The following CPQ variants were observed in gnomAD, a reference collection of about 807,000 sequenced individuals.
CPQ encodes Ser-Met dipeptidase.
Under a neutral mutation model 45.7 loss-of-function variants are expected in CPQ, and 37 were observed. The ratio of observed to expected loss-of-function variants is 0.81; its 90% CI spans 0.62 to 1.07. The LOEUF (loss-of-function observed/expected upper bound fraction) is 1.07, where lower values mean the gene tolerates loss of function less well. CPQ is among the 50% of genes least tolerant of loss of function. The pLI, the probability that CPQ is intolerant of heterozygous loss-of-function variation, is 0.00. For synonymous variants in CPQ, 186 were observed against 205.8 expected (o/e 0.90, Z 0.82); for missense variants, 537 against 572.9 (o/e 0.94, Z 0.64).
At chr8:96,728,265 T>C (rs1809869111) in intron 1 of CPQ, among the ~76,000 whole-genome samples, 1 of 152,194 alleles carries the variant, frequency 6.6e-6, no homozygotes, top group African/African-American at 2.4e-5. Flanking sequence ...AAATGTTATA[T>C]GGAATGATAT....
At chr8:96,982,347 C>A (rs1292995112) in intron 5 of CPQ, among the ~76,000 whole-genome samples, 3 of 152,006 alleles carry the variant, frequency 2.0e-5, no homozygotes, top group Admixed American at 2.0e-4. Context: ...TCATCCAGGT[C>A]TTTTATTTTT....
rs139976448 is a variant in CPQ, at chr8:96,744,969, C to T, written c.-34-39895C>T. ...CACATCCTATTATTTTGAACTATCC[C>T]TATGGCCCCCAATAGCATAGTGACT... On this transcript the variant is annotated intron_variant, in intron 1 of 7. Transcript: ENST00000220763. Among the ~76,000 whole-genome samples, 505 of 152,276 alleles carry T rather than the reference C, an allele frequency of 3.3e-3. 7 individuals carry two copies. Among genetic ancestry groups the T allele is most frequent in the African/African-American group, 0.012 (480 of 41,552 alleles).
At chr8:96,952,845 C>T (rs1286634759) in intron 4 of CPQ, among the ~76,000 whole-genome samples, 1 of 151,998 alleles carries the variant, frequency 6.6e-6, no homozygotes, top group Non-Finnish European at 1.5e-5. Flanking sequence ...AATAACAGTC[C>T]ATCATGGATT....
intron 7 of CPQ, among the ~76,000 whole-genome samples, chr8:97,111,959 C>T (rs1037907681): frequency 6.6e-6 from 1 of 152,080 alleles, no homozygotes; most frequent in Non-Finnish European, 1.5e-5. Flanking sequence ...CCATTGTCCA[C>T]ACTGATCTCC....
intron 5 of CPQ, among the ~76,000 whole-genome samples, chr8:97,005,116 C>G (rs1324254979): frequency 2.0e-5 from 3 of 151,542 alleles, no homozygotes; most frequent in Non-Finnish European, 2.9e-5. Context: ...GAGTCTCACT[C>G]TGTTGCCCAG....
intron 4 of CPQ, among the ~76,000 whole-genome samples, chr8:96,928,994 A>C (rs1812932850): frequency 6.6e-6 from 1 of 152,220 alleles, no homozygotes; most frequent in Non-Finnish European, 1.5e-5. Flanking sequence ...TATTTAAAAA[A>C]TTATAATTTA....
At chr8:97,048,104 A>G (rs1334553505) in intron 6 of CPQ, among the ~76,000 whole-genome samples, 2 of 152,214 alleles carry the variant, frequency 1.3e-5, no homozygotes, top group Non-Finnish European at 2.9e-5. Context: ...TGCTATATTT[A>G]AAGATCTCCA....
intron 1 of CPQ, among the ~76,000 whole-genome samples, chr8:96,718,648 C>T (rs558852576): frequency 6.6e-6 from 1 of 152,146 alleles, no homozygotes; most frequent in Non-Finnish European, 1.5e-5. Flanking sequence ...ACTGCTGGCT[C>T]GGGCAGCCTG....
intron 5 of CPQ, among the ~76,000 whole-genome samples, chr8:96,975,079 T>A (rs886932438): frequency 1.3e-5 from 2 of 151,956 alleles, no homozygotes; most frequent in Non-Finnish European, 2.9e-5. Flanking sequence ...TTTGAAAAGA[T>A]AAATGAAACA....
At chr8:96,742,304 C>G (rs1810104006) in intron 1 of CPQ, among the ~76,000 whole-genome samples, 1 of 151,984 alleles carries the variant, frequency 6.6e-6, no homozygotes, top group Non-Finnish European at 1.5e-5. Context: ...CAACCCCTGC[C>G]TTTTTTTGTT....
chr8:96,800,761 A>G (rs2130821974), intron 2 of CPQ, among the ~76,000 whole-genome samples: 1 of 152,326 alleles, frequency 6.6e-6, no homozygotes, highest in Non-Finnish European at 1.5e-5. Context: ...ACATGCACAC[A>G]GAATAATATT....
At chr8:96,918,158 C>T (rs1812756799) in intron 4 of CPQ, among the ~76,000 whole-genome samples, 1 of 152,218 alleles carries the variant, frequency 6.6e-6, no homozygotes. Flanking sequence ...TTCTCTCACT[C>T]CTTGTGCACC....
intron 1 of CPQ, among the ~76,000 whole-genome samples, chr8:96,688,037 G>T (rs1809256150): frequency 6.6e-6 from 1 of 151,990 alleles, no homozygotes; most frequent in Non-Finnish European, 1.5e-5. Flanking sequence ...TGAGAGAAAA[G>T]AAAGTTTCCT....
chr8:96,921,192 C>G lies in CPQ; in HGVS notation c.849+41187C>G, dbSNP rs530604895. Among the ~76,000 whole-genome samples, 6 of 152,224 alleles carry G rather than the reference C, an allele frequency of 3.9e-5. No homozygotes were observed. In the East Asian group the frequency reaches 1.2e-3, roughly 29 times the overall value. Reference sequence around the variant, plus strand: ...GGCTATTTGATTTCAATCCCCCTTTCTTTTTATGTTTCTCATTTCTCTCCC... The same window carrying G: ...GGCTATTTGATTTCAATCCCCCTTTGTTTTTATGTTTCTCATTTCTCTCCC... On this transcript the variant is annotated intron_variant, in intron 4 of 7. Coordinates refer to ENST00000220763, the MANE Select transcript of CPQ (RefSeq NM_016134.4).
chr8:96,708,325 A>G (rs1384989117), intron 1 of CPQ, among the ~76,000 whole-genome samples: 2 of 152,046 alleles, frequency 1.3e-5, no homozygotes, highest in Non-Finnish European at 1.5e-5. Flanking sequence ...GTAGGTTCCA[A>G]GAATTAAGAC....
At chr8:96,667,254 T>A (rs373317453) in intron 1 of CPQ, among the ~76,000 whole-genome samples, 9 of 152,302 alleles carry the variant, frequency 5.9e-5, no homozygotes, top group African/African-American at 2.2e-4. Flanking sequence ...AGAAAATGCA[T>A]GTTTTAAAAC....
At chr8:97,080,581 C>T (rs1810929017) in intron 7 of CPQ, among the ~76,000 whole-genome samples, 1 of 152,138 alleles carries the variant, frequency 6.6e-6, no homozygotes, top group Admixed American at 6.6e-5. Flanking sequence ...AAACTCTTCC[C>T]TTTGCTCAGT....
At chr8:97,114,557 C>A (rs551182899) in intron 7 of CPQ, among the ~76,000 whole-genome samples, 2 of 152,260 alleles carry the variant, frequency 1.3e-5, no homozygotes, top group South Asian at 2.1e-4. Flanking sequence ...ACTATGTTTA[C>A]CCTCAGAGAT....
chr8:96,784,474 A>G (rs1158847365), intron 1 of CPQ, among the ~76,000 whole-genome samples: 2 of 152,064 alleles, frequency 1.3e-5, no homozygotes, highest in Admixed American at 1.3e-4. Context: ...TGACAGGCAA[A>G]GAGGAGAGAA....
Sources: allele counts gnomAD v4.1 joint callset (sites outside exome capture counted in the v4.1 genomes callset), GRCh38; gene constraint gnomAD v4.1.1; transcripts MANE v1.5; gene names NCBI Gene and HGNC (gene_info 2026-07-23, HGNC 2026-07-21).